Variants in AIG1 observed in about 807,000 individuals in gnomAD.
The protein encoded by AIG1 is androgen induced 1, also known as androgen-induced gene 1 protein.
Under a neutral mutation model 31.4 loss-of-function variants are expected in AIG1, and 23 were observed. The observed-to-expected ratio is 0.73, with a 90% CI of 0.53 to 1.04. The LOEUF (loss-of-function observed/expected upper bound fraction) is 1.04, where lower values mean the gene tolerates loss of function less well. Ranked by LOEUF, AIG1 falls within the 50% of genes least tolerant of loss-of-function variation. AIG1 has a pLI of 0.00. For synonymous variants in AIG1, 100 were observed against 110.5 expected, an observed-to-expected ratio of 0.90 and a Z score of 0.60; for missense variants, 274 against 295.0, an observed-to-expected ratio of 0.93 and a Z score of 0.52.
intron 1 of AIG1, among the ~76,000 whole-genome samples, chr6:143,105,291 AC>A (rs1165381446): frequency 3.3e-5 from 5 of 152,128 alleles, no homozygotes; most frequent in Admixed American, 6.5e-5. Flanking sequence ...CAAAAGGAAG[AC>A]CCTGCATGGC....
intron 1 of AIG1, among the ~76,000 whole-genome samples, chr6:143,121,415 C>T (rs1782235430): frequency 6.6e-6 from 1 of 152,190 alleles, no homozygotes; most frequent in African/African-American, 2.4e-5. Flanking sequence ...TTCAAAGTGC[C>T]TGAGCATACC....
intron 3 of AIG1, 101 bp downstream of exon 3, chr6:143,165,284 A>G (rs1786815948): frequency 5.5e-6 from 5 of 902,996 alleles, no homozygotes; most frequent in East Asian, 2.5e-5. Flanking sequence ...CTAAAAAGCC[A>G]TGAAATCTTG....
chr6:143,085,947 A>G (rs190425824), intron 1 of AIG1, among the ~76,000 whole-genome samples: 1 of 152,344 alleles, frequency 6.6e-6, no homozygotes, highest in African/African-American at 2.4e-5. Flanking sequence ...TTAATGTTAA[A>G]TCAACTTTTT....
At chr6:143,205,694 T>A (rs1197090892) in intron 3 of AIG1, among the ~76,000 whole-genome samples, 1 of 152,242 alleles carries the variant, frequency 6.6e-6, no homozygotes, top group African/African-American at 2.4e-5. Flanking sequence ...ATTTTGCAGT[T>A]GTTTTGTTTT....
intron 1 of AIG1, among the ~76,000 whole-genome samples, chr6:143,116,192 A>G (rs1781722817): frequency 1.3e-5 from 2 of 152,338 alleles, no homozygotes; most frequent in East Asian, 1.9e-4. Context: ...GTAAGTAATG[A>G]TAAAGCCAGA....
chr6:143,208,441 A>G (rs1830344235), intron 3 of AIG1, among the ~76,000 whole-genome samples: 1 of 152,182 alleles, frequency 6.6e-6, no homozygotes, highest in South Asian at 2.1e-4. Context: ...CATACAAATA[A>G]AAGAAGGAAA....
At chr6:143,069,456 C>T (rs1180610827) in intron 1 of AIG1, among the ~76,000 whole-genome samples, 2 of 152,198 alleles carry the variant, frequency 1.3e-5, no homozygotes, top group South Asian at 4.1e-4. Flanking sequence ...GAGAGCTCCA[C>T]AGATGGGAAC....
At chr6:143,175,870 G>A (rs1355546924) in intron 3 of AIG1, among the ~76,000 whole-genome samples, 2 of 152,120 alleles carry the variant, frequency 1.3e-5, no homozygotes, top group East Asian at 3.9e-4. Flanking sequence ...TTTTGGTGGT[G>A]CTAAATAACC....
At chr6:143,260,912 C>G (rs1053976316) in intron 3 of AIG1, among the ~76,000 whole-genome samples, 3 of 152,154 alleles carry the variant, frequency 2.0e-5, no homozygotes, top group Non-Finnish European at 4.4e-5. Context: ...CCTTCACCCC[C>G]CCGCCATCCC....
chr6:143,154,268 C>G (rs1785511876), intron 2 of AIG1, among the ~76,000 whole-genome samples: 1 of 152,006 alleles, frequency 6.6e-6, no homozygotes, highest in African/African-American at 2.4e-5. Context: ...AGTTATGATT[C>G]TTAAAGAACA....
rs1415515596 is a variant in AIG1, at chr6:143,338,030, A to G, written c.680-1609A>G. ...ATTTTCCCTCTCTAGGTCAATGAAT[A>G]CCCCCCGTTCTCCACCCGCGCTTTT... On this transcript the variant is annotated intron_variant, in intron 5 of 5. Transcript: ENST00000357847. The surrounding 1 kb of genome is among the most constrained non-coding windows in gnomAD (Gnocchi z 4.3). The G allele has an allele frequency of 7.5e-6, 3 of 398,106 alleles. No individual in the cohort carries two copies. The highest frequency in any genetic ancestry group is 1.3e-5 in the Non-Finnish European group (3 of 226,000). The allele number at this position is 398,106 out of a possible 1,614,324, so 24.7% of individuals were successfully genotyped here.
At chr6:143,295,387 T>C (rs191466374) in intron 4 of AIG1, among the ~76,000 whole-genome samples, 2 of 152,316 alleles carry the variant, frequency 1.3e-5, no homozygotes, top group Admixed American at 6.5e-5. Context: ...GACTTCTCAT[T>C]GCTCCTCAAG....
chr6:143,211,617 G>A (rs1256509678), intron 3 of AIG1, among the ~76,000 whole-genome samples: 1 of 152,198 alleles, frequency 6.6e-6, no homozygotes, highest in Non-Finnish European at 1.5e-5. Context: ...AATTGGCCAG[G>A]TGTGGTGGCT....
chr6:143,208,560 A>G (rs1791312046), intron 3 of AIG1, among the ~76,000 whole-genome samples: 1 of 152,202 alleles, frequency 6.6e-6, no homozygotes, highest in South Asian at 2.1e-4. Context: ...ATTTTAAGGA[A>G]TGGAAGGCTG....
intron 3 of AIG1, chr6:143,187,551 T>G: frequency 6.5e-7 from 1 of 1,536,028 alleles, no homozygotes; most frequent in Non-Finnish European, 8.7e-7. Flanking sequence ...GCCTGTAATA[T>G]TTGCATAAAA....
Position 143,258,496 on chromosome 6 carries a change from A to C in AIG1, c.400-25614A>C, listed in dbSNP as rs1304278410. Among the ~76,000 whole-genome samples the C allele has an allele frequency of 6.6e-6, 1 of 152,180 alleles. No individual in the cohort carries two copies. The highest frequency in any genetic ancestry group is 1.5e-5 in the Non-Finnish European group (1 of 68,034). The stretch of plus-strand genomic sequence containing the variant: ...CCATATCCTTTTGCAAAACTCACAA[A>C]ATTTTTGTTTAAAGATTTTTCTTCT... On this transcript the variant is annotated intron_variant, in intron 3 of 5. Coordinates refer to ENST00000357847, the MANE Select transcript of AIG1 (RefSeq NM_016108.4). This position sits in a 1 kb window ranked among gnomAD's most constrained non-coding sequence, Gnocchi z 4.7.
chr6:143,157,287 C>G (rs1219612321), intron 2 of AIG1, among the ~76,000 whole-genome samples: 1 of 152,242 alleles, frequency 6.6e-6, no homozygotes, highest in African/African-American at 2.4e-5. Flanking sequence ...GCTCCTCTGG[C>G]TTAATTTCCT....
At chr6:143,278,335 C>T (rs1797088045) in intron 3 of AIG1, among the ~76,000 whole-genome samples, 1 of 152,142 alleles carries the variant, frequency 6.6e-6, no homozygotes, top group South Asian at 2.1e-4. Context: ...ATTTATGTAG[C>T]ACGGGGACGT....
chr6:143,333,313 T>C lies in AIG1; in HGVS notation c.547T>C (p.Trp183Arg). Residue 183 changes from tryptophan (W) to arginine (R), a missense_variant, in exon 5 of 6, where the codon TGG becomes CGG. By Grantham distance (101) the Trp-to-Arg change is moderately radical. Transcript: ENST00000357847. This position sits in a 1 kb window ranked among gnomAD's most constrained non-coding sequence, Gnocchi z 4.6. The part of the protein sequence containing the change: ...VCWVHHVTGM[W>R]VYPFLEHIGP... ...CTGGGTGCATCATGTAACTGGCATG[T>C]GGGTGTACCCTTTCCTGGAACACAT... is the stretch of plus-strand genomic sequence containing the variant. 2 of 1,613,222 alleles carry C rather than the reference T, an allele frequency of 1.2e-6. No homozygotes were observed. Among genetic ancestry groups the C allele is most frequent in the East Asian group, 2.2e-5 (1 of 44,862 alleles).
Sources: allele counts gnomAD v4.1 joint callset (sites outside exome capture counted in the v4.1 genomes callset), GRCh38; gene constraint gnomAD v4.1.1; non-coding constraint Gnocchi (gnomAD v3.1); transcripts MANE v1.5; gene names NCBI Gene and HGNC (gene_info 2026-07-23, HGNC 2026-07-21).